Variants in GALNT1 observed in about 807,000 individuals in gnomAD.
GALNT1 encodes polypeptide N-acetylgalactosaminyltransferase 1, also known as GalNAc transferase 1.
GALNT1 carries 17 observed loss-of-function variants against 65.7 expected under a neutral mutation model. The ratio of observed to expected loss-of-function variants is 0.26; its 90% CI spans 0.18 to 0.39. The LOEUF (loss-of-function observed/expected upper bound fraction) is 0.39, where lower values mean the gene tolerates loss of function less well. Among genes scored for constraint, GALNT1 ranks in the 10% least tolerant of loss-of-function variants. The pLI is 1.00. For synonymous variants in GALNT1, 210 were observed against 219.7 expected (o/e 0.96, Z 0.39); for missense variants, 460 against 672.8 (o/e 0.68, Z 3.50).
At chr18:35,697,954 G>C (rs1019459114) in intron 9 of GALNT1, among the ~76,000 whole-genome samples, 11 of 152,152 alleles carry the variant, frequency 7.2e-5, no homozygotes, top group African/African-American at 2.7e-4. Context: ...AAATAACTTA[G>C]ATCTCCTAGG....
At chr18:35,642,511 G>A (rs2047178072) in intron 1 of GALNT1, among the ~76,000 whole-genome samples, 1 of 152,182 alleles carries the variant, frequency 6.6e-6, no homozygotes, top group Non-Finnish European at 1.5e-5. Flanking sequence ...ATTTGAGAGG[G>A]AACTTTAAAA....
intron 2 of GALNT1, among the ~76,000 whole-genome samples, chr18:35,655,642 T>A (rs1261866762): frequency 6.6e-6 from 1 of 152,052 alleles, no homozygotes; most frequent in Non-Finnish European, 1.5e-5. Flanking sequence ...AGAAATTATA[T>A]ACAAATAATT....
chr18:35,686,174 A>G (rs1229073889), intron 5 of GALNT1, among the ~76,000 whole-genome samples: 1 of 152,248 alleles, frequency 6.6e-6, no homozygotes, highest in African/African-American at 2.4e-5. Flanking sequence ...GTCATAGACT[A>G]CACATAGGAA....
At chr18:35,620,719 TA>T (rs1466970918) in intron 1 of GALNT1, among the ~76,000 whole-genome samples, 2 of 152,204 alleles carry the variant, frequency 1.3e-5, no homozygotes, top group Non-Finnish European at 2.9e-5. Flanking sequence ...AATTCTAGTT[TA>T]TTCGTTTTTC....
chr18:35,703,766 C>T (rs1267543971), intron 11 of GALNT1, 123 bp downstream of exon 11: 8 of 872,928 alleles, frequency 9.2e-6, no homozygotes, highest in Non-Finnish European at 9.9e-6. Flanking sequence ...GTCTTATACA[C>T]TAAATATTGA....
intron 1 of GALNT1, among the ~76,000 whole-genome samples, chr18:35,621,583 A>T (rs958968590): frequency 3.9e-5 from 6 of 152,022 alleles, no homozygotes; most frequent in African/African-American, 1.5e-4. Flanking sequence ...TTCTTCCCGG[A>T]CTTTCGCATA....
chr18:35,669,616 G>C (rs1374752678), intron 3 of GALNT1, among the ~76,000 whole-genome samples: 1 of 152,208 alleles, frequency 6.6e-6, no homozygotes, highest in East Asian at 1.9e-4. Flanking sequence ...AAAAACATTT[G>C]ATAAAATTTG....
chr18:35,603,968 T>G (rs1165239279), intron 1 of GALNT1, among the ~76,000 whole-genome samples: 1 of 152,180 alleles, frequency 6.6e-6, no homozygotes, highest in African/African-American at 2.4e-5. Flanking sequence ...TGTGCAGGTT[T>G]GTTACATGGG....
intron 1 of GALNT1, among the ~76,000 whole-genome samples, chr18:35,608,622 T>C (rs1013074558): frequency 6.6e-6 from 1 of 152,204 alleles, no homozygotes; most frequent in African/African-American, 2.4e-5. Flanking sequence ...ACTCTAGGTG[T>C]GGTACTAGGC....
At chr18:35,645,989 C>A (rs892488036) in intron 1 of GALNT1, among the ~76,000 whole-genome samples, 2 of 152,040 alleles carry the variant, frequency 1.3e-5, no homozygotes, top group Non-Finnish European at 2.9e-5. Flanking sequence ...TGTATTAGTT[C>A]ATTTTTACAC....
chr18:35,681,233 A>T (rs760162070), intron 4 of GALNT1, among the ~76,000 whole-genome samples: 1 of 152,144 alleles, frequency 6.6e-6, no homozygotes, highest in Non-Finnish European at 1.5e-5. Flanking sequence ...TCCTAAGAAG[A>T]TTCTCCCTTG....
At chr18:35,646,378 A>G (rs112815520) in intron 1 of GALNT1, among the ~76,000 whole-genome samples, 1,655 of 152,244 alleles carry the variant, frequency 0.011, 23 homozygotes, top group African/African-American at 0.038. Flanking sequence ...TTAGCAGGAT[A>G]TTGGCTCAGG....
chr18:35,675,341 G>T (rs1415889216), intron 3 of GALNT1, among the ~76,000 whole-genome samples: 1 of 152,148 alleles, frequency 6.6e-6, no homozygotes, highest in Non-Finnish European at 1.5e-5. Context: ...TGCTTTGAGA[G>T]AATATTAATT....
intron 9 of GALNT1, among the ~76,000 whole-genome samples, chr18:35,692,753 C>A (rs1598808410): frequency 1.3e-5 from 2 of 151,836 alleles, no homozygotes; most frequent in Admixed American, 1.3e-4. Flanking sequence ...AGAAATCCAA[C>A]CTTTTTGTGA....
In GALNT1 at chr18:35,634,685, A is replaced by G. The variant is rs546803630; in HGVS notation, c.-103-19875A>G. ...GTCATGTAGGCATCTCCTGCCTAAC[A>G]CATACCAAAATTCCAGATTCCCGGA... is the stretch of plus-strand genomic sequence containing the variant. On this transcript the variant is annotated intron_variant, in intron 1 of 11. Coordinates refer to ENST00000269195, the MANE Select transcript of GALNT1 (RefSeq NM_020474.4). 2.0e-5 allele frequency among the ~76,000 whole-genome samples: 3 copies of G among 152,348 alleles called. No individual in the cohort carries two copies. In the South Asian group the frequency reaches 6.2e-4, roughly 32 times the overall value.
rs556987887 is a variant in GALNT1 at position 35,710,924 on chromosome 18, T to TTTAGA, written c.*1163_*1167dup. The stretch of plus-strand genomic sequence containing the variant: ...GATATGCTTCATTGTCAAATGCATA[T>TTTAGA]TTAGATTAGATTATTGAATTGTAAT... On this transcript the variant is annotated 3_prime_UTR_variant, in exon 12 of 12. Coordinates refer to ENST00000269195, the MANE Select transcript of GALNT1 (RefSeq NM_020474.4). 93 of 152,800 alleles carry TTTAGA rather than the reference T, an allele frequency of 6.1e-4. No homozygotes were observed. The highest frequency in any genetic ancestry group is 1.2e-3 in the Non-Finnish European group (79 of 68,032). 9.5% of individuals were successfully genotyped at this position (152,800 alleles called of 1,614,324 possible). A position where few individuals can be genotyped will look rare whatever the true frequency, so the allele number is the denominator to read the frequency against.
intron 1 of GALNT1, among the ~76,000 whole-genome samples, chr18:35,583,740 A>C (rs1023901915): frequency 6.6e-6 from 1 of 152,176 alleles, no homozygotes; most frequent in Non-Finnish European, 1.5e-5. Context: ...GTTAATCCCA[A>C]GCAGTTACAG....
intron 3 of GALNT1, among the ~76,000 whole-genome samples, chr18:35,673,282 A>G (rs888766500): frequency 2.6e-5 from 4 of 152,176 alleles, no homozygotes; most frequent in African/African-American, 9.7e-5. Context: ...TTGATGTGGA[A>G]ATTTCTTGAA....
At chr18:35,684,787 T>G (rs552984554) in intron 5 of GALNT1, among the ~76,000 whole-genome samples, 343 of 152,368 alleles carry the variant, frequency 2.3e-3, no homozygotes, top group Non-Finnish European at 3.0e-3. Context: ...AAGCCAGCTT[T>G]CGCTGGTAGG....
Sources: allele counts gnomAD v4.1 joint callset (sites outside exome capture counted in the v4.1 genomes callset), GRCh38; gene constraint gnomAD v4.1.1; transcripts MANE v1.5; gene names NCBI Gene and HGNC (gene_info 2026-07-23, HGNC 2026-07-21).